OR3A2: variants seen among roughly 807,000 people sequenced by gnomAD.
OR3A2 encodes olfactory receptor 3A2.
For missense variants in OR3A2, 318 were observed against 392.8 expected (o/e 0.81, Z 1.61); for synonymous variants, 126 against 159.3 (o/e 0.79, Z 1.57).
At chr17:3,277,701 T>C (rs1215427000) in exon 2 of OR3A2, 2 of 391,388 alleles carry the variant, frequency 5.1e-6, no homozygotes, top group Non-Finnish European at 9.1e-6. Context: ...TCTACTTTTA[T>C]AGCATGTGAG....
At chr17:3,334,323 C>T (rs1199167459) in intron 3 of OR3A2, among the ~76,000 whole-genome samples, 3 of 152,160 alleles carry the variant, frequency 2.0e-5, no homozygotes, top group Non-Finnish European at 4.4e-5. Flanking sequence ...TTCCTGGCCT[C>T]TGGTAACCAC....
rs551121104 is a variant in OR3A2, at chr17:3,304,104, G to C, written c.-84-24951C>G. ...CAGCTTGGCTTTGATTAGGGGGACT[G>C]AGACAACACTCTTTGTAGGACTCTA... On this transcript the variant is annotated intron_variant, in intron 3 of 4. Transcript: ENST00000573491. Among the ~76,000 whole-genome samples, 127 of 151,984 alleles carry C rather than the reference G, an allele frequency of 8.4e-4. 1 individual carries two copies. The highest frequency in any genetic ancestry group is 2.1e-3 in the Admixed American group (32 of 15,254).
intron 2 of OR3A2, among the ~76,000 whole-genome samples, chr17:3,340,975 A>G (rs181132483): frequency 0.14 from 20,930 of 152,070 alleles, 1,770 homozygotes; most frequent in African/African-American, 0.24. Context: ...TATATTTAGG[A>G]TAGTTAGCTC....
At chr17:3,352,634 T>A (rs2049430112) in intron 2 of OR3A2, among the ~76,000 whole-genome samples, 1 of 152,060 alleles carries the variant, frequency 6.6e-6, no homozygotes, top group Non-Finnish European at 1.5e-5. Context: ...AGTACCATGC[T>A]GTTTTGGTTA....
intron 2 of OR3A2, among the ~76,000 whole-genome samples, chr17:3,364,091 G>A (rs1350209416): frequency 6.6e-6 from 1 of 152,146 alleles, no homozygotes; most frequent in Non-Finnish European, 1.5e-5. Context: ...TGATATAAAT[G>A]TATGTGTAGA....
intron 3 of OR3A2, among the ~76,000 whole-genome samples, chr17:3,314,993 C>T (rs1597335042): frequency 6.6e-6 from 1 of 152,272 alleles, no homozygotes; most frequent in Non-Finnish European, 1.5e-5. Context: ...CAGCTGCATC[C>T]ATGTTGTGGC....
chr17:3,293,694 A>G (rs1175449043), intron 3 of OR3A2, among the ~76,000 whole-genome samples: 3 of 152,198 alleles, frequency 2.0e-5, no homozygotes, highest in African/African-American at 7.2e-5. Context: ...TGGCAAAGAC[A>G]TGGAATCAAC....
At chr17:3,346,026 GT>G (rs1269182190) in intron 2 of OR3A2, among the ~76,000 whole-genome samples, 1 of 152,032 alleles carries the variant, frequency 6.6e-6, no homozygotes, top group Non-Finnish European at 1.5e-5. Flanking sequence ...CAGGCTAGGT[GT>G]TTTGTACTAA....
intron 3 of OR3A2, among the ~76,000 whole-genome samples, chr17:3,298,077 G>A (rs994983095): frequency 3.3e-5 from 5 of 152,078 alleles, no homozygotes; most frequent in Non-Finnish European, 5.9e-5. Context: ...ATCCATTCAC[G>A]GAGATGTCTT....
chr17:3,343,486 T>C (rs750558102), intron 2 of OR3A2, among the ~76,000 whole-genome samples: 1 of 152,252 alleles, frequency 6.6e-6, no homozygotes, highest in Non-Finnish European at 1.5e-5. Context: ...TATCTCATTT[T>C]GGAGAATGCT....
chr17:3,281,391 G>A lies in OR3A2; in HGVS notation c.-6-2468C>T, dbSNP rs925698993. Among the ~76,000 whole-genome samples the A allele has an allele frequency of 3.9e-5, 6 of 151,954 alleles. No individual in the cohort carries two copies. The East Asian group carries it at 1.2e-3, about 29-fold the overall frequency. ...TGGGACTACAGGCATGCACCACCAC[G>A]CCCAGCTAATTTTTTTGTATTTTTA... On this transcript the variant is annotated intron_variant, in intron 1 of 1. Coordinates refer to ENST00000642052, the Ensembl canonical transcript of OR3A2.
chr17:3,339,118 G>T (rs1021546555), intron 2 of OR3A2, among the ~76,000 whole-genome samples: 1 of 152,122 alleles, frequency 6.6e-6, no homozygotes. Context: ...CATTGATTTT[G>T]TATCCTGAGA....
intron 3 of OR3A2, chr17:3,292,486 G>A: frequency 6.2e-7 from 1 of 1,613,762 alleles, no homozygotes; most frequent in Non-Finnish European, 8.5e-7. Context: ...AAGAGGAAGA[G>A]CACAAAGACA....
intron 2 of OR3A2, among the ~76,000 whole-genome samples, chr17:3,350,713 G>C (rs987080918): frequency 1.7e-4 from 25 of 148,698 alleles, no homozygotes; most frequent in Non-Finnish European, 1.9e-4. Context: ...TACCAAAGCC[G>C]GGCAGAGACA....
chr17:3,304,175 C>G (rs1186660878), intron 3 of OR3A2, among the ~76,000 whole-genome samples: 1 of 152,032 alleles, frequency 6.6e-6, no homozygotes, highest in Admixed American at 6.6e-5. Context: ...ATTCTTGGCT[C>G]TACGCCTCAG....
chr17:3,311,813 G>C lies in OR3A2; in HGVS notation c.-85+24220C>G. 1 of 197,694 alleles carries C rather than the reference G, an allele frequency of 5.1e-6. No homozygotes were observed. Among genetic ancestry groups the C allele is most frequent in the Non-Finnish European group, 1.1e-5 (1 of 93,832 alleles). 12.2% of individuals were successfully genotyped at this position (197,694 alleles called of 1,614,324 possible). ...GTCTCAGCCTCAGACAAAGATAAGG[G>C]GATTGGGATCCTCAACACTATCCTC... On this transcript the variant is annotated intron_variant, in intron 3 of 4. Transcript: ENST00000573491. This position sits in a 1 kb window ranked among gnomAD's most constrained non-coding sequence, Gnocchi z 4.6.
intron 2 of OR3A2, among the ~76,000 whole-genome samples, chr17:3,372,827 G>T (rs1379749095): frequency 7.1e-6 from 1 of 141,306 alleles, no homozygotes; most frequent in Non-Finnish European, 1.5e-5. Flanking sequence ...AGAGGGAGAG[G>T]GAGAGGGAGG....
At chr17:3,309,346 G>A (rs7218369) in intron 3 of OR3A2, among the ~76,000 whole-genome samples, 25,156 of 152,022 alleles carry the variant, frequency 0.17, 2,932 homozygotes, top group African/African-American at 0.33. Context: ...TGGATGATGC[G>A]TAATTAGAAC....
chr17:3,375,380 G>A (rs182868241), intron 2 of OR3A2, among the ~76,000 whole-genome samples: 16 of 144,674 alleles, frequency 1.1e-4, no homozygotes, highest in Admixed American at 8.6e-4. Context: ...TCAATTCACT[G>A]CAACCTTTGC....
Sources: allele counts gnomAD v4.1 joint callset (sites outside exome capture counted in the v4.1 genomes callset), GRCh38; gene constraint gnomAD v4.1.1; non-coding constraint Gnocchi (gnomAD v3.1); transcripts MANE v1.5; gene names NCBI Gene and HGNC (gene_info 2026-07-23, HGNC 2026-07-21).